Variants in PTPN9 observed in about 807,000 individuals in gnomAD.
PTPN9 encodes protein tyrosine phosphatase non-receptor type 9, also known as tyrosine-protein phosphatase non-receptor type 9.
Under a neutral mutation model 69.8 loss-of-function variants are expected in PTPN9, and 26 were observed. That is an observed-to-expected ratio of 0.37 (90% confidence interval 0.27 to 0.52). PTPN9 has a LOEUF of 0.52. PTPN9 is among the 20% of genes least tolerant of loss of function. PTPN9 has a pLI of 0.91. For synonymous variants in PTPN9, 274 were observed against 272.5 expected (o/e 1.01, Z -0.05); for missense variants, 549 against 740.3 (o/e 0.74, Z 3.00).
At chr15:75,573,223 A>G (rs552615396) in intron 1 of PTPN9, among the ~76,000 whole-genome samples, 18 of 152,270 alleles carry the variant, frequency 1.2e-4, no homozygotes, top group Admixed American at 2.6e-4. Context: ...GAGTTTTCTT[A>G]TTTGCAAAGT....
At chr15:75,540,092 T>G (rs1007854223) in intron 1 of PTPN9, among the ~76,000 whole-genome samples, 1 of 152,062 alleles carries the variant, frequency 6.6e-6, no homozygotes, top group Non-Finnish European at 1.5e-5. Context: ...TTTAAAGACA[T>G]AAAATACCCC....
chr15:75,521,130 A>G (rs971347704), intron 4 of PTPN9, among the ~76,000 whole-genome samples: 1 of 143,330 alleles, frequency 7.0e-6, no homozygotes, highest in Non-Finnish European at 1.5e-5. Context: ...GATTACAGGC[A>G]TGAGCCACTG....
chr15:75,485,839 G>A (rs561695555), intron 8 of PTPN9, among the ~76,000 whole-genome samples: 11 of 150,802 alleles, frequency 7.3e-5, no homozygotes, highest in Admixed American at 4.0e-4. Context: ...AGTGGCTCAC[G>A]CCTGTAATCC....
chr15:75,579,150 A>C lies in PTPN9; in HGVS notation c.-374T>G. On this transcript the variant is annotated 5_prime_UTR_variant, in exon 1 of 13. Coordinates refer to ENST00000618819, the MANE Select transcript of PTPN9 (RefSeq NM_002833.4). ...GCGAAGGGTCGGCGGAAATTTCCCGAAGGCCGCCGACCCCCTCGGCGCCCC... is the reference window on the plus strand; with the variant it reads ...GCGAAGGGTCGGCGGAAATTTCCCGCAGGCCGCCGACCCCCTCGGCGCCCC... 1 of 153,666 alleles carries C rather than the reference A, an allele frequency of 6.5e-6. No homozygotes were observed. Among genetic ancestry groups the C allele is most frequent in the Non-Finnish European group, 1.4e-5 (1 of 69,016 alleles). 9.5% of individuals were successfully genotyped at this position (153,666 alleles called of 1,614,324 possible).
At chr15:75,570,194 C>T (rs2075143021) in intron 1 of PTPN9, 1 of 152,168 alleles carries the variant, frequency 6.6e-6, no homozygotes, top group Non-Finnish European at 1.5e-5. Flanking sequence ...GTATCATAAA[C>T]TATCAGCAAT....
intron 8 of PTPN9, among the ~76,000 whole-genome samples, chr15:75,483,658 G>A (rs2074657223): frequency 6.6e-6 from 1 of 152,204 alleles, no homozygotes; most frequent in Non-Finnish European, 1.5e-5. Flanking sequence ...TATACTAATA[G>A]CCATTGACTT....
chr15:75,493,942 T>A (rs1485245505), intron 7 of PTPN9, among the ~76,000 whole-genome samples: 1 of 152,022 alleles, frequency 6.6e-6, no homozygotes, highest in East Asian at 1.9e-4. Context: ...TTGACAGTGT[T>A]GAGTCAGTAA....
rs1280766894 is a variant in PTPN9 at position 75,469,905 on chromosome 15, C to T, written c.1454G>A (p.Arg485Lys). 6.2e-7 allele frequency: 1 copy of T among 1,614,222 alleles called. No homozygotes were observed. Among genetic ancestry groups the T allele is most frequent in the Non-Finnish European group, 8.5e-7 (1 of 1,180,044 alleles). The change falls in exon 12 of 13, where the codon AGA becomes AAA. Residue 485 changes from arginine (R) to lysine (K), a missense_variant. Arg to Lys is a conservative substitution (Grantham distance 26). Around this residue, in one of 3 missense-constraint regions of PTPN9, gnomAD observed 457 missense variants for 661.9 expected, o/e 0.69. Coordinates refer to ENST00000618819, the MANE Select transcript of PTPN9 (RefSeq NM_002833.4). ...CAGACTCTGCTGGTTTCTGACCACT[C>T]TCAAGAAGTCAATGAGGGAAGCTGC... ...SSAASLIDFLRVVRNQQSLAV... is the reference protein window; with the variant it reads ...SSAASLIDFLKVVRNQQSLAV...
At chr15:75,530,199 C>CAAAA (rs1171614508) in intron 1 of PTPN9, among the ~76,000 whole-genome samples, 2 of 28,218 alleles carry the variant, frequency 7.1e-5, no homozygotes, top group Non-Finnish European at 1.4e-4. Flanking sequence ...GACTCCATCT[C>CAAAA]AAAAAAAAAA....
intron 1 of PTPN9, among the ~76,000 whole-genome samples, chr15:75,572,203 G>A (rs1041805734): frequency 1.5e-4 from 23 of 151,728 alleles, no homozygotes; most frequent in African/African-American, 5.6e-4. Context: ...GTGGTGGCAG[G>A]TGCCTGTAAT....
chr15:75,495,727 A>G (rs1348085785), intron 7 of PTPN9, among the ~76,000 whole-genome samples: 3 of 152,062 alleles, frequency 2.0e-5, no homozygotes, highest in Non-Finnish European at 4.4e-5. Flanking sequence ...ACAACAAAAC[A>G]AAACAACAAC....
At chr15:75,569,548 T>C (rs1007956397) in intron 1 of PTPN9, among the ~76,000 whole-genome samples, 23 of 151,696 alleles carry the variant, frequency 1.5e-4, no homozygotes, top group Non-Finnish European at 3.2e-4. Context: ...CTACAAAAAA[T>C]ACAAAAATTA....
chr15:75,542,095 A>C (rs1027665587), intron 1 of PTPN9, among the ~76,000 whole-genome samples: 3 of 151,196 alleles, frequency 2.0e-5, no homozygotes, highest in African/African-American at 4.8e-5. Flanking sequence ...TACTCCCAGC[A>C]ATCTGGATAA....
intron 4 of PTPN9, among the ~76,000 whole-genome samples, chr15:75,520,792 C>T (rs758606068): frequency 4.6e-5 from 7 of 151,666 alleles, no homozygotes; most frequent in South Asian, 2.1e-4. Context: ...TGGGACTACA[C>T]GCGTGAGCCA....
chr15:75,540,543 T>TAA (rs1295928433), intron 1 of PTPN9, among the ~76,000 whole-genome samples: 4 of 112,774 alleles, frequency 3.5e-5, no homozygotes, highest in Admixed American at 1.1e-4. Flanking sequence ...ACTCTGTCTC[T>TAA]AAAAAAAAAA....
At chr15:75,564,489 G>A (rs905849404) in intron 1 of PTPN9, among the ~76,000 whole-genome samples, 2 of 151,728 alleles carry the variant, frequency 1.3e-5, no homozygotes, top group East Asian at 1.9e-4. Context: ...CCAGCTACTC[G>A]GGAGGCTGAG....
chr15:75,517,830 C>T (rs1328335848), intron 4 of PTPN9, among the ~76,000 whole-genome samples: 1 of 152,170 alleles, frequency 6.6e-6, no homozygotes, highest in Non-Finnish European at 1.5e-5. Context: ...ATCTGATTCT[C>T]TCCTAAAGGA....
chr15:75,478,665 T>C (rs554943615), intron 9 of PTPN9, among the ~76,000 whole-genome samples: 3 of 152,366 alleles, frequency 2.0e-5, no homozygotes, highest in Admixed American at 6.5e-5. Flanking sequence ...AGTTTTCTTA[T>C]AGTATGTCCC....
chr15:75,514,767 A>T (rs2074861019), intron 5 of PTPN9, among the ~76,000 whole-genome samples: 1 of 152,222 alleles, frequency 6.6e-6, no homozygotes, highest in South Asian at 2.1e-4. Context: ...ATTTCACAGA[A>T]GAAGAAAAAA....
Sources: gnomAD v4.1 joint callset for allele counts (sites outside exome capture counted in the v4.1 genomes callset) on GRCh38, gnomAD v4.1.1 for gene constraint, gnomAD v4.1.1 regional missense constraint, MANE v1.5 for transcripts, NCBI Gene and HGNC (gene_info 2026-07-23, HGNC 2026-07-21) for gene names.